SP140L: variants seen among roughly 807,000 people sequenced by gnomAD.
SP140L encodes the protein nuclear body protein SP140-like protein.
Under a neutral mutation model 84.3 loss-of-function variants are expected in SP140L, and 64 were observed. The ratio of observed to expected loss-of-function variants is 0.76; its 90% CI spans 0.62 to 0.94. SP140L has a LOEUF of 0.94. SP140L is among the 40% of genes least tolerant of loss of function. The pLI is 0.00. For synonymous variants in SP140L, 242 were observed against 236.9 expected, an observed-to-expected ratio of 1.02 and a Z score of -0.20; for missense variants, 628 against 692.5, an observed-to-expected ratio of 0.91 and a Z score of 1.05.
At position 230,371,407 on chromosome 2, in the gene SP140L, T is replaced by C. The variant is rs138997298; in HGVS notation, c.584-191T>C. Among the ~76,000 whole-genome samples, 1,390 of 152,292 alleles carry C rather than the reference T, an allele frequency of 9.1e-3. 23 individuals are homozygous for C. The highest frequency in any genetic ancestry group is 0.032 in the African/African-American group (1,330 of 41,548). ...CTCTTAGCCCAACACGTATTTTTGA[T>C]AGAAGACCCAGGGCCCATCCTAGAC... On this transcript the variant is annotated intron_variant, in intron 6 of 18. Coordinates refer to ENST00000415673, the MANE Select transcript of SP140L (RefSeq NM_138402.6).
At chr2:230,379,795 G>A (rs2149786253) in intron 7 of SP140L, among the ~76,000 whole-genome samples, 1 of 152,126 alleles carries the variant, frequency 6.6e-6, no homozygotes, top group African/African-American at 2.4e-5. Context: ...TGGAATCTAT[G>A]GTATGGCTAA....
intron 9 of SP140L, among the ~76,000 whole-genome samples, chr2:230,386,793 G>C (rs539686832): frequency 6.6e-6 from 1 of 152,284 alleles, no homozygotes; most frequent in South Asian, 2.1e-4. Context: ...TCCCAGAAAA[G>C]ATGTAACCAG....
intron 7 of SP140L, among the ~76,000 whole-genome samples, chr2:230,377,218 G>A (rs6755211): frequency 0.028 from 3,922 of 141,852 alleles, 182 homozygotes; most frequent in African/African-American, 0.096. Context: ...GCCTCACTAC[G>A]TTGTCCAGGA....
chr2:230,387,674 G>T (rs2061641995), intron 9 of SP140L, among the ~76,000 whole-genome samples: 1 of 152,174 alleles, frequency 6.6e-6, no homozygotes, highest in South Asian at 2.1e-4. Flanking sequence ...GGAACATTTT[G>T]CTTTCCTGCT....
intron 14 of SP140L, among the ~76,000 whole-genome samples, chr2:230,398,278 G>C (rs2062144445): frequency 6.6e-6 from 1 of 152,170 alleles, no homozygotes; most frequent in African/African-American, 2.4e-5. Flanking sequence ...CAGAATCTCT[G>C]GTGTTGGGTT....
chr2:230,355,398 A>G (rs1022138762), intron 2 of SP140L, among the ~76,000 whole-genome samples: 1 of 152,212 alleles, frequency 6.6e-6, no homozygotes, highest in Non-Finnish European at 1.5e-5. Flanking sequence ...GATGTGCTTG[A>G]TTTTTAAAAT....
chr2:230,400,477 T>A (rs1291713296), intron 15 of SP140L: 2 of 530,426 alleles, frequency 3.8e-6, no homozygotes, highest in Non-Finnish European at 6.8e-6. Context: ...GTTGGGGACC[T>A]TTGCCTACAT....
At chr2:230,336,165 T>G (rs146820416) in intron 2 of SP140L, among the ~76,000 whole-genome samples, 1 of 152,186 alleles carries the variant, frequency 6.6e-6, no homozygotes, top group African/African-American at 2.4e-5. Flanking sequence ...ATCAGATGCA[T>G]GATGGGATTG....
At chr2:230,354,325 A>G (rs1228252699) in intron 2 of SP140L, among the ~76,000 whole-genome samples, 1 of 152,236 alleles carries the variant, frequency 6.6e-6, no homozygotes, top group African/African-American at 2.4e-5. Context: ...ATAAAATTTA[A>G]CATCTGTTCA....
chr2:230,328,962 A>G (rs2059653503), intron 2 of SP140L, 131 bp downstream of exon 2: 1 of 1,366,766 alleles, frequency 7.3e-7, no homozygotes. Flanking sequence ...TGCCAATGTG[A>G]TTCAGTTGAG....
At chr2:230,328,731 T>G (rs1179710035) in intron 1 of SP140L, 26 bp from the exon 2 acceptor site, 9 of 1,609,432 alleles carry the variant, frequency 5.6e-6, no homozygotes, top group African/African-American at 2.7e-5. Flanking sequence ...TACTTGTTTA[T>G]AGATCCTGCC....
At chr2:230,363,764 C>A (rs933786159) in intron 5 of SP140L, among the ~76,000 whole-genome samples, 2 of 151,826 alleles carry the variant, frequency 1.3e-5, no homozygotes, top group South Asian at 2.1e-4. Context: ...TGTCATGGAG[C>A]TTTTCCCCTG....
At chr2:230,377,411 T>C (rs2061277453) in intron 7 of SP140L, among the ~76,000 whole-genome samples, 1 of 152,224 alleles carries the variant, frequency 6.6e-6, no homozygotes, top group South Asian at 2.1e-4. Context: ...AATTTACTTA[T>C]GTTTAGCCCC....
At chr2:230,330,717 C>G (rs2059702327) in intron 2 of SP140L, among the ~76,000 whole-genome samples, 1 of 152,160 alleles carries the variant, frequency 6.6e-6, no homozygotes, top group Non-Finnish European at 1.5e-5. Context: ...CTATTATTAA[C>G]TATAGTAGTC....
chr2:230,336,183 TC>T (rs745663748), intron 2 of SP140L, among the ~76,000 whole-genome samples: 4 of 152,182 alleles, frequency 2.6e-5, no homozygotes, highest in Non-Finnish European at 4.4e-5. Context: ...TTGGGAGGTT[TC>T]CCCGTGGAAG....
chr2:230,366,667 A>G (rs956309351), intron 5 of SP140L, among the ~76,000 whole-genome samples: 11 of 149,174 alleles, frequency 7.4e-5, no homozygotes, highest in Non-Finnish European at 1.3e-4. Context: ...ACCTACTACA[A>G]CTATTTTGTT....
chr2:230,363,143 A>G (rs1575481380), intron 5 of SP140L, among the ~76,000 whole-genome samples: 1 of 152,318 alleles, frequency 6.6e-6, no homozygotes. Context: ...TCATAACTGT[A>G]GGAGCATCTG....
intron 2 of SP140L, among the ~76,000 whole-genome samples, chr2:230,336,394 A>C (rs10933332): frequency 0.12 from 18,308 of 152,154 alleles, 1,148 homozygotes; most frequent in Middle Eastern, 0.15. Context: ...CTTGAGCTAA[A>C]CTATTTGGCC....
intron 3 of SP140L, 34 bp from the exon 4 acceptor site, chr2:230,358,930 G>A (rs1209293110): frequency 2.0e-6 from 3 of 1,527,408 alleles, no homozygotes; most frequent in Non-Finnish European, 2.6e-6. Flanking sequence ...TTGAAAGTCT[G>A]TATTTGTATT....
Sources: allele counts gnomAD v4.1 joint callset (sites outside exome capture counted in the v4.1 genomes callset), GRCh38; gene constraint gnomAD v4.1.1; transcripts MANE v1.5; gene names NCBI Gene and HGNC (gene_info 2026-07-23, HGNC 2026-07-21).